The following SLFN12L variants were observed in gnomAD, a reference collection of about 807,000 sequenced individuals.
SLFN12L encodes the protein schlafen family member 12-like.
Under a neutral mutation model 34.8 loss-of-function variants are expected in SLFN12L, and 34 were observed. The ratio of observed to expected loss-of-function variants is 0.98; its 90% CI spans 0.74 to 1.30. The LOEUF (loss-of-function observed/expected upper bound fraction) is 1.30, where lower values mean the gene tolerates loss of function less well. Among genes scored for constraint, SLFN12L ranks in the 50% most tolerant of loss-of-function variants. The pLI is 0.00. For missense variants in SLFN12L, 703 were observed against 696.2 expected (o/e 1.01, Z -0.11); for synonymous variants, 259 against 247.5 (o/e 1.05, Z -0.44).
chr17:35,479,036 G>A (rs1174788978), intron 3 of SLFN12L, 81 bp downstream of exon 3: 2 of 1,055,432 alleles, frequency 1.9e-6, no homozygotes, highest in Non-Finnish European at 2.7e-6. Context: ...TTTTAATCTT[G>A]TCCCTAATCC....
intron 2 of SLFN12L, among the ~76,000 whole-genome samples, chr17:35,495,066 T>C (rs1914997699): frequency 6.6e-6 from 1 of 151,698 alleles, no homozygotes; most frequent in Non-Finnish European, 1.5e-5. Context: ...ACTGGCTCAT[T>C]TTTGTTTGTT....
At chr17:35,500,176 G>C (rs544545152) in intron 2 of SLFN12L, 3 of 152,182 alleles carry the variant, frequency 2.0e-5, no homozygotes, top group Non-Finnish European at 2.9e-5. Flanking sequence ...TCTGCGTCCA[G>C]TTAGTATGGC....
intron 2 of SLFN12L, among the ~76,000 whole-genome samples, chr17:35,492,097 A>G (rs565150323): frequency 1.8e-4 from 27 of 152,260 alleles, no homozygotes; most frequent in African/African-American, 6.3e-4. Flanking sequence ...ACCCATCACC[A>G]TTTCAATTTA....
At chr17:35,499,334 T>G (rs1043392026) in intron 2 of SLFN12L, among the ~76,000 whole-genome samples, 7 of 152,236 alleles carry the variant, frequency 4.6e-5, no homozygotes, top group African/African-American at 7.2e-5. Context: ...ATTGAATTCC[T>G]GCACATGCCT....
chr17:35,511,111 A>G (rs71381458), intron 2 of SLFN12L, among the ~76,000 whole-genome samples: 3,304 of 152,264 alleles, frequency 0.022, 124 homozygotes, highest in African/African-American at 0.076. Flanking sequence ...TAAAGATTGT[A>G]TTTCTCAATT....
intron 2 of SLFN12L, among the ~76,000 whole-genome samples, chr17:35,501,693 A>G (rs544191812): frequency 2.6e-5 from 4 of 152,256 alleles, no homozygotes; most frequent in African/African-American, 9.6e-5. Context: ...TTTAAGGGAG[A>G]CTATGGAGTA....
chr17:35,465,640 C>T lies in SLFN12L; in HGVS notation c.*9283G>A, dbSNP rs541781600. On this transcript the variant is annotated 3_prime_UTR_variant, in exon 5 of 5. Transcript: ENST00000628453. ...AGATAAGTATTCCCTGCTGCTTGTC[C>T]GTTTAACAGCCCAGTGTTGCCTGTT... 7.9e-5 allele frequency among the ~76,000 whole-genome samples: 12 copies of T among 151,296 alleles called. No individual in the cohort carries two copies. In the South Asian group the frequency reaches 1.5e-3, roughly 19 times the overall value.
chr17:35,534,293 C>T (rs993990583), intron 1 of SLFN12L, among the ~76,000 whole-genome samples: 14 of 152,274 alleles, frequency 9.2e-5, no homozygotes, highest in African/African-American at 3.4e-4. Context: ...ACCCGGGAAG[C>T]GGAGGTTGCA....
intron 2 of SLFN12L, chr17:35,487,804 CGTGT>C (rs1567656919): frequency 6.6e-7 from 1 of 1,511,608 alleles, no homozygotes; most frequent in Non-Finnish European, 8.9e-7. Flanking sequence ...TCTCCGCGTC[CGTGT>C]GCGGCTAGCC....
chr17:35,489,249 A>T (rs1914735050), intron 2 of SLFN12L, among the ~76,000 whole-genome samples: 1 of 151,950 alleles, frequency 6.6e-6, no homozygotes. Context: ...AAGTAAGCAA[A>T]AAAGATTACG....
At chr17:35,500,704 G>A (rs1567670060) in intron 2 of SLFN12L, among the ~76,000 whole-genome samples, 1 of 151,026 alleles carries the variant, frequency 6.6e-6, no homozygotes, top group Non-Finnish European at 1.5e-5. Flanking sequence ...ACTCCAGCCT[G>A]GGTGACAGAG....
At chr17:35,529,755 G>A (rs2072373123) in intron 1 of SLFN12L, among the ~76,000 whole-genome samples, 1 of 151,996 alleles carries the variant, frequency 6.6e-6, no homozygotes, top group Non-Finnish European at 1.5e-5. Context: ...GTGACGGGTT[G>A]GTGGGTGCAG....
chr17:35,490,852 C>A, intron 2 of SLFN12L: 1 of 1,007,516 alleles, frequency 9.9e-7, no homozygotes, highest in Non-Finnish European at 1.6e-6. Context: ...TACCCAAGGG[C>A]ACATTGAGGT....
intron 2 of SLFN12L, chr17:35,515,158 C>A (rs1915771735): frequency 9.6e-6 from 6 of 624,892 alleles, no homozygotes; most frequent in East Asian, 8.0e-5. Context: ...CCCGAATACT[C>A]CAGCGGCGAT....
intron 2 of SLFN12L, chr17:35,490,081 C>T (rs1914771554): frequency 6.2e-7 from 1 of 1,606,540 alleles, no homozygotes; most frequent in Admixed American, 1.7e-5. Flanking sequence ...TAGCCACCGG[C>T]CCCCTCCTCC....
chr17:35,498,127 G>A, intron 2 of SLFN12L: 1 of 605,546 alleles, frequency 1.7e-6, no homozygotes, highest in Non-Finnish European at 2.9e-6. Flanking sequence ...CGGTCAGAGC[G>A]AGACCTGCAG....
chr17:35,533,359 G>T (rs376315059), intron 1 of SLFN12L, among the ~76,000 whole-genome samples: 1 of 152,142 alleles, frequency 6.6e-6, no homozygotes, highest in Admixed American at 6.5e-5. Context: ...TCTATTATTT[G>T]CCTAGCACTG....
At chr17:35,499,863 T>A (rs1198731375) in intron 2 of SLFN12L, 1 of 163,484 alleles carries the variant, frequency 6.1e-6, no homozygotes, top group African/African-American at 2.4e-5. Context: ...GGGTTTCAGG[T>A]CACTGAAAAT....
At chr17:35,485,486 C>T (rs1315479284) in intron 2 of SLFN12L, among the ~76,000 whole-genome samples, 1 of 152,170 alleles carries the variant, frequency 6.6e-6, no homozygotes, top group East Asian at 1.9e-4. Context: ...TCTGTTTACT[C>T]TGTTGAGACT....
Sources: gnomAD v4.1 joint callset for allele counts (sites outside exome capture counted in the v4.1 genomes callset) on GRCh38, gnomAD v4.1.1 for gene constraint, MANE v1.5 for transcripts, NCBI Gene and HGNC (gene_info 2026-07-23, HGNC 2026-07-21) for gene names.